Variants in NLRP6 observed in about 807,000 individuals in gnomAD.
The protein encoded by NLRP6 is NACHT, LRR and PYD domains-containing protein 6.
A neutral mutation model predicts 70.9 loss-of-function variants in NLRP6; 55 were observed. That is an observed-to-expected ratio of 0.78 (90% CI 0.62 to 0.97). The LOEUF is 0.97. Among genes scored for constraint, NLRP6 ranks in the 50% least tolerant of loss-of-function variants. The probability of loss-of-function intolerance (pLI) is 0.00; values close to 1 mark genes in which losing one functional copy is unlikely to be tolerated. For synonymous variants in NLRP6, 652 were observed against 581.9 expected, an observed-to-expected ratio of 1.12 and a Z score of -1.73; for missense variants, 1,241 against 1,238.3, an observed-to-expected ratio of 1.00 and a Z score of -0.03.
Position 279,307 on chromosome 11 carries a change from C to A in NLRP6, c.30-20C>A. 9 of 1,265,582 alleles carry A rather than the reference C, an allele frequency of 7.1e-6. No homozygotes were observed. The highest frequency in any genetic ancestry group is 2.8e-5 in the South Asian group (1 of 35,826). 78.4% of individuals were successfully genotyped at this position (1,265,582 alleles called of 1,614,324 possible). On this transcript the variant is annotated intron_variant, in intron 1 of 7. Transcript: ENST00000534750. The stretch of plus-strand genomic sequence containing the variant: ...CACCCGAGGGCCGCTCCCCGATGAC[C>A]CGCGCCCGCCCGCCTCCAGCACGGG...
chr11:278,654 GC>G lies in NLRP6; in HGVS notation c.29+58del. The G allele has an allele frequency of 7.0e-7, 1 of 1,420,438 alleles. No individual in the cohort carries two copies. The highest frequency in any genetic ancestry group is 9.6e-7 in the Non-Finnish European group (1 of 1,043,954). 88.0% of individuals were successfully genotyped at this position (1,420,438 alleles called of 1,614,324 possible). ...AACCGGCTGGTCTCAGCCCTCTGGG[GC>G]CTCCACCTCACCCGCTGACTTCCTC... On this transcript the variant is annotated intron_variant, in intron 1 of 7. Coordinates refer to ENST00000534750, the MANE Select transcript of NLRP6 (RefSeq NM_001276700.2). This position sits in a 1 kb window ranked among gnomAD's most constrained non-coding sequence, Gnocchi z 4.7.
chr11:280,217 G>A lies in NLRP6; in HGVS notation c.483G>A (p.Glu161=), dbSNP rs762214227. 3 of 1,545,894 alleles carry A rather than the reference G, an allele frequency of 1.9e-6. No individual in the cohort carries two copies. Among genetic ancestry groups the A allele is most frequent in the South Asian group, 1.2e-5 (1 of 83,906 alleles). The part of the protein sequence containing the change: ...LIAPESAAPE[E]AMGPAEEPEP... ...CGCCCGAGAGCGCCGCCCCGGAGGAGGCGATGGGGCCCGCGGAAGAGCCTG... is the reference window on the plus strand; with the variant it reads ...CGCCCGAGAGCGCCGCCCCGGAGGAAGCGATGGGGCCCGCGGAAGAGCCTG... The change falls in exon 4 of 8, where the codon GAG becomes GAA. Residue 161 remains glutamate, a synonymous_variant. Transcript: ENST00000534750.
chr11:278,634 G>T lies in NLRP6; in HGVS notation c.29+36G>T, dbSNP rs773566996. 6 of 1,555,024 alleles carry T rather than the reference G, an allele frequency of 3.9e-6. No homozygotes were observed. The highest frequency in any genetic ancestry group is 1.4e-5 in the African/African-American group (1 of 71,812). ...GCCCCAGGGTGGTCACTGGGAACCG[G>T]CTGGTCTCAGCCCTCTGGGGCCTCC... On this transcript the variant is annotated intron_variant, in intron 1 of 7. Transcript: ENST00000534750. The surrounding 1 kb of genome is among the most constrained non-coding windows in gnomAD (Gnocchi z 4.7).
chr11:281,250 C>G lies in NLRP6; in HGVS notation c.1516C>G (p.Leu506Val). The G allele has an allele frequency of 6.2e-7, 1 of 1,613,042 alleles. No individual in the cohort carries two copies. Among genetic ancestry groups the G allele is most frequent in the Non-Finnish European group, 8.5e-7 (1 of 1,179,866 alleles). The change falls in exon 4 of 8, where the codon CTC becomes GTC. Residue 506 changes from leucine to valine, a missense_variant. By Grantham distance (32) the Leu-to-Val change is conservative (BLOSUM62 1). Transcript: ENST00000534750. ...QFIDQSFQEF[L>V]AALSYLLEDG... ...CATCGACCAGAGCTTCCAGGAGTTC[C>G]TCGCGGCACTGTCCTACCTGCTGGA...
chr11:280,124 C>T lies in NLRP6; in HGVS notation c.390C>T (p.His130=). The T allele has an allele frequency of 3.3e-6, 5 of 1,534,108 alleles. No homozygotes were observed. The highest frequency in any genetic ancestry group is 4.4e-6 in the Non-Finnish European group (5 of 1,142,504). ...KKYREHVLQL[H]ARVKERNARS... ...ACCGGGAGCACGTGCTGCAGCTGCA[C>T]GCTCGGGTGAAGGAGAGGAACGCCC... Residue 130 remains histidine (H), a synonymous_variant, in exon 4 of 8, where the codon CAC becomes CAT. Transcript: ENST00000534750.
rs1269388981 is a variant in NLRP6, at chr11:284,537, CT to C, written c.2433del (p.Ala812ProfsTer2). Reference sequence around the variant, plus strand: ...CTGGTGGGTATGCTTCGGCAGAGCCCTGCCCTGACCACCCTGGATCTCAGCG... The same window carrying C: ...CTGGTGGGTATGCTTCGGCAGAGCCCGCCCTGACCACCCTGGATCTCAGCG... ...QYLVGMLRQS[P>X]ALTTLDLSGC... is the part of the protein sequence containing the mutation. On this transcript the variant is annotated frameshift_variant, in exon 7 of 8. Coordinates refer to ENST00000534750, the MANE Select transcript of NLRP6 (RefSeq NM_001276700.2). LOFTEE classifies it high-confidence loss of function. 1.9e-6 allele frequency: 3 copies of C among 1,612,884 alleles called. No individual in the cohort carries two copies. Among genetic ancestry groups the C allele is most frequent in the Non-Finnish European group, 2.5e-6 (3 of 1,179,860 alleles).
In NLRP6 at chr11:285,148, C is replaced by T. The variant is rs1433361837; in HGVS notation, c.2538-18C>T. 11 of 1,572,068 alleles carry T rather than the reference C, an allele frequency of 7.0e-6. No individual in the cohort carries two copies. Among genetic ancestry groups the T allele is most frequent in the Non-Finnish European group, 9.5e-6 (11 of 1,158,790 alleles). ...TCCCCCACCGCTGACCCCGCTTCTG[C>T]TCTGCGTGTGGCTGCAGTCTGGCCT... On this transcript the variant is annotated intron_variant, in intron 7 of 7. Coordinates refer to ENST00000534750, the MANE Select transcript of NLRP6 (RefSeq NM_001276700.2).
At chr11:279,680 G>A (rs903904253) in intron 2 of NLRP6, 73 bp downstream of exon 2, 2 of 1,360,450 alleles carry the variant, frequency 1.5e-6, no homozygotes, top group Non-Finnish European at 1.9e-6. Flanking sequence ...TCCCGGAGAA[G>A]CCCCGGCGCG....
intron 5 of NLRP6, 137 bp downstream of exon 5, chr11:282,934 C>A: frequency 1.4e-6 from 1 of 701,312 alleles, no homozygotes; most frequent in Non-Finnish European, 2.6e-6. Flanking sequence ...CTGGAGATGG[C>A]AGGCTCTGCC....
intron 7 of NLRP6, 141 bp from the exon 8 acceptor site, chr11:285,023 GCC>G: frequency 1.5e-6 from 1 of 671,782 alleles, no homozygotes; most frequent in Non-Finnish European, 2.5e-6. Flanking sequence ...CAAGCTGACA[GCC>G]CAGTCACTGC....
chr11:279,887 G>T lies in NLRP6; in HGVS notation c.349+15G>T. On this transcript the variant is annotated intron_variant, in intron 3 of 7. Coordinates refer to ENST00000534750, the MANE Select transcript of NLRP6 (RefSeq NM_001276700.2). ...CTCCGTGTCCGGTGGGTCTCTCGCTGGGGGGGCACGAGTGTCCCCAACCCC... is the reference window on the plus strand; with the variant it reads ...CTCCGTGTCCGGTGGGTCTCTCGCTTGGGGGGCACGAGTGTCCCCAACCCC... 6.6e-7 allele frequency: 1 copy of T among 1,522,044 alleles called. No homozygotes were observed. The allele number at this position is 1,522,044 out of a possible 1,614,324, so 94.3% of individuals were successfully genotyped here.
intron 5 of NLRP6, among the ~76,000 whole-genome samples, chr11:283,763 G>C (rs192030413): frequency 6.6e-6 from 1 of 152,086 alleles, no homozygotes. Context: ...GCTTGATATG[G>C]GGGTGGGGGA....
Position 280,877 on chromosome 11 carries a change from G to T in NLRP6, c.1143G>T (p.Leu381=), listed in dbSNP as rs371696070. The change falls in exon 4 of 8, where the codon CTG becomes CTT. Residue 381 remains leucine, a synonymous_variant. Coordinates refer to ENST00000534750, the MANE Select transcript of NLRP6 (RefSeq NM_001276700.2). ...AYRFVKENET[L]FALCFVPFVC... ...GCTTCGTGAAGGAGAACGAGACGCT[G>T]TTCGCGCTGTGCTTCGTGCCCTTCG... is the stretch of plus-strand genomic sequence containing the variant. 7.3e-5 allele frequency: 118 copies of T among 1,613,352 alleles called. No homozygotes were observed. Among genetic ancestry groups the T allele is most frequent in the Non-Finnish European group, 9.1e-5 (107 of 1,179,978 alleles).
At chr11:282,886 G>C in intron 5 of NLRP6, 89 bp downstream of exon 5, 1 of 966,168 alleles carries the variant, frequency 1.0e-6, no homozygotes, top group Non-Finnish European at 1.7e-6. Flanking sequence ...TAGGAAAGAA[G>C]GCTGAGGGGT....
chr11:285,073 G>A (rs1384117268), intron 7 of NLRP6, 93 bp from the exon 8 acceptor site: 7 of 1,143,400 alleles, frequency 6.1e-6, no homozygotes, highest in African/African-American at 1.5e-5. Flanking sequence ...GCCCGTCACT[G>A]CCCGCGGCCC....
rs775999356 is a variant in NLRP6, at chr11:284,243, A to G, written c.2212A>G (p.Lys738Glu). 4.3e-6 allele frequency: 7 copies of G among 1,613,286 alleles called. No homozygotes were observed. In the Admixed American group the frequency reaches 6.7e-5, roughly 15 times the overall value. ...HLSSLTLSHC[K>E]LPDAVCRDLS... is the part of the protein sequence containing the mutation. ...TCTTGACCACAGGCTGTCCCACTGCAAACTCCCTGACGCGGTCTGCCGAGA... is the reference window on the plus strand; with the variant it reads ...TCTTGACCACAGGCTGTCCCACTGCGAACTCCCTGACGCGGTCTGCCGAGA... Residue 738 changes from lysine to glutamate, a missense_variant, in exon 6 of 8, where the codon AAA becomes GAA. Coordinates refer to ENST00000534750, the MANE Select transcript of NLRP6 (RefSeq NM_001276700.2).
Position 281,216 on chromosome 11 carries a change from C to T in NLRP6, c.1482C>T (p.Thr494=), listed in dbSNP as rs374049395. The T allele has an allele frequency of 7.4e-5, 119 of 1,613,142 alleles. No individual in the cohort carries two copies. Among genetic ancestry groups the T allele is most frequent in the Non-Finnish European group, 9.4e-5 (111 of 1,179,968 alleles). The part of the protein sequence containing the change: ...ELPGVLETEV[T]YQFIDQSFQE... ...CGGGCGTGCTGGAGACAGAGGTCAC[C>T]TACCAGTTCATCGACCAGAGCTTCC... The change falls in exon 4 of 8, where the codon ACC becomes ACT. Residue 494 remains threonine (T), a synonymous_variant. Coordinates refer to ENST00000534750, the MANE Select transcript of NLRP6 (RefSeq NM_001276700.2).
intron 4 of NLRP6, 150 bp downstream of exon 4, chr11:281,989 G>C (rs888676767): frequency 1.5e-6 from 1 of 651,454 alleles, no homozygotes; most frequent in South Asian, 2.1e-5. Context: ...CTCCTTGCAA[G>C]GCAACCACTG....
chr11:283,311 C>CTTTTTT (rs34619806), intron 5 of NLRP6, among the ~76,000 whole-genome samples: 4 of 115,452 alleles, frequency 3.5e-5, no homozygotes, highest in Non-Finnish European at 5.3e-5. Flanking sequence ...ATGTACAGTT[C>CTTTTTT]TTTTTTTTTT....
Sources: gnomAD v4.1 joint callset for allele counts (sites outside exome capture counted in the v4.1 genomes callset) on GRCh38, gnomAD v4.1.1 for gene constraint, Gnocchi (gnomAD v3.1) non-coding constraint, MANE v1.5 for transcripts, NCBI Gene and HGNC (gene_info 2026-07-23, HGNC 2026-07-21) for gene names.